The following IGSF11 variants were observed in gnomAD, a reference collection of about 807,000 sequenced individuals.
The protein encoded by IGSF11 is CXADR like 1.
In IGSF11, 22 loss-of-function variants were observed where a neutral mutation model predicts 41.0. The observed-to-expected ratio is 0.54, with a 90% CI of 0.38 to 0.77. IGSF11 has a LOEUF of 0.77. IGSF11 is among the 30% of genes least tolerant of loss of function. IGSF11 has a pLI of 0.00. For synonymous variants in IGSF11, 219 were observed against 201.3 expected (o/e 1.09, Z -0.74); for missense variants, 444 against 530.8 (o/e 0.84, Z 1.61).
At chr3:119,140,670 C>T (rs949124782) in intron 1 of IGSF11, among the ~76,000 whole-genome samples, 1 of 152,130 alleles carries the variant, frequency 6.6e-6, no homozygotes, top group Non-Finnish European at 1.5e-5. Flanking sequence ...AATATACATT[C>T]TTTTAAGTGC....
In IGSF11 at chr3:119,065,371, GA is replaced by G. The variant is rs1284523111; in HGVS notation, c.49+39772del. On this transcript the variant is annotated intron_variant, in intron 1 of 6. Transcript: ENST00000354673. ...TGAAATCTCCTGGTCATCATCATGG[GA>G]TATGTTTTTTACATATAATTGGATT... 6.6e-5 allele frequency among the ~76,000 whole-genome samples: 10 copies of G among 152,050 alleles called. 1 individual carries two copies. Among genetic ancestry groups the G allele is most frequent in the African/African-American group, 2.4e-4 (10 of 41,380 alleles).
intron 1 of IGSF11, among the ~76,000 whole-genome samples, chr3:119,091,157 C>T (rs187045294): frequency 3.9e-5 from 6 of 152,218 alleles, no homozygotes; most frequent in Admixed American, 1.3e-4. Flanking sequence ...CAATGAGATG[C>T]CATCTCACAC....
chr3:119,062,184 T>A (rs190930746), intron 1 of IGSF11, among the ~76,000 whole-genome samples: 28 of 152,346 alleles, frequency 1.8e-4, no homozygotes. Flanking sequence ...GAATTGGTTT[T>A]ATTTGAAAGT....
At chr3:118,961,446 A>G (rs1053052776) in intron 1 of IGSF11, among the ~76,000 whole-genome samples, 13 of 152,240 alleles carry the variant, frequency 8.5e-5, no homozygotes, top group Admixed American at 8.5e-4. Flanking sequence ...TTATACCTCA[A>G]AAAAGCTATT....
intron 1 of IGSF11, among the ~76,000 whole-genome samples, chr3:119,145,225 G>T (rs2077704516): frequency 6.6e-6 from 1 of 152,090 alleles, no homozygotes; most frequent in South Asian, 2.1e-4. Flanking sequence ...CCTACTAAAG[G>T]AATATCTGGC....
chr3:119,111,837 G>C (rs1186355987), intron 1 of IGSF11, among the ~76,000 whole-genome samples: 5 of 152,206 alleles, frequency 3.3e-5, no homozygotes, highest in Non-Finnish European at 7.3e-5. Context: ...CAGGACTGTT[G>C]GAGTTTGCTA....
intron 1 of IGSF11, among the ~76,000 whole-genome samples, chr3:119,045,136 A>G (rs561768753): frequency 6.6e-6 from 1 of 152,372 alleles, no homozygotes; most frequent in South Asian, 2.1e-4. Context: ...CACAAAAGGG[A>G]GGAGCCCAGA....
In IGSF11 at chr3:118,904,754, C is replaced by T. The variant is rs762256778; in HGVS notation, c.748G>A (p.Gly250Ser). The T allele has an allele frequency of 9.3e-6, 15 of 1,613,416 alleles. No homozygotes were observed. In the South Asian group the frequency reaches 1.6e-4, roughly 18 times the overall value. Residue 250 changes from glycine (G) to serine (S), a missense_variant, in exon 6 of 7, where the codon GGT becomes AGT. This residue lies in a region of IGSF11 where 223 missense variants were observed against 226.2 expected (regional missense o/e 0.99). Coordinates refer to ENST00000393775, the MANE Select transcript of IGSF11 (RefSeq NM_001015887.3). ...ATGCAAAAAATGATAATAACTGCAC[C>T]AGTGCCAATGGCTCCAGCTATTAGT... ...IGLIAGAIGT[G>S]AVIIIFCIAL...
In IGSF11 at chr3:118,902,506, C is replaced by T; in HGVS notation, c.*14G>A. On this transcript the variant is annotated 3_prime_UTR_variant, in exon 7 of 7. Transcript: ENST00000393775. ...TCCATTTATTCATTTCTGAACACAA[C>T]ATTTCCTCATGTCCTATACCAAGGA... is the stretch of plus-strand genomic sequence containing the variant. 3 of 1,301,844 alleles carry T rather than the reference C, an allele frequency of 2.3e-6. No homozygotes were observed. Among genetic ancestry groups the T allele is most frequent in the Middle Eastern group, 2.2e-4 (1 of 4,602 alleles). The allele number at this position is 1,301,844 out of a possible 1,614,324, so 80.6% of individuals were successfully genotyped here.
intron 1 of IGSF11, among the ~76,000 whole-genome samples, chr3:118,968,585 A>C (rs1439516009): frequency 6.6e-6 from 1 of 152,218 alleles, no homozygotes; most frequent in Non-Finnish European, 1.5e-5. Flanking sequence ...GGGGATCCTA[A>C]TTAACAACAG....
intron 1 of IGSF11, among the ~76,000 whole-genome samples, chr3:119,120,093 G>A (rs2107528862): frequency 6.6e-6 from 1 of 152,278 alleles, no homozygotes; most frequent in South Asian, 2.1e-4. Flanking sequence ...GTCCAAGCAG[G>A]GAATAAAGCA....
intron 5 of IGSF11, among the ~76,000 whole-genome samples, chr3:118,905,229 T>C (rs1238692893): frequency 6.6e-6 from 1 of 152,102 alleles, no homozygotes; most frequent in Non-Finnish European, 1.5e-5. Context: ...TACACTGCCA[T>C]TTATAACCTA....
At chr3:119,118,224 A>G (rs1325013577) in intron 1 of IGSF11, among the ~76,000 whole-genome samples, 1 of 152,202 alleles carries the variant, frequency 6.6e-6, no homozygotes, top group Non-Finnish European at 1.5e-5. Context: ...GCCCTAGCAA[A>G]GGTTCTCCAA....
chr3:119,085,505 C>T (rs1302825127), intron 1 of IGSF11, among the ~76,000 whole-genome samples: 2 of 152,158 alleles, frequency 1.3e-5, no homozygotes, highest in African/African-American at 4.8e-5. Context: ...TCCAAATGAG[C>T]CCACTAGGTC....
At chr3:118,935,852 A>G (rs1943233852) in intron 1 of IGSF11, among the ~76,000 whole-genome samples, 3 of 152,086 alleles carry the variant, frequency 2.0e-5, no homozygotes, top group East Asian at 1.9e-4. Context: ...ATTCTGTTTC[A>G]TTTTTTAAAT....
intron 1 of IGSF11, among the ~76,000 whole-genome samples, chr3:119,143,361 G>T (rs56048248): frequency 0.08 from 12,121 of 152,024 alleles, 638 homozygotes; most frequent in Admixed American, 0.16. Flanking sequence ...ATAACAGCAG[G>T]GTTTTGTATA....
At chr3:118,956,114 T>A (rs1944936699) in intron 1 of IGSF11, among the ~76,000 whole-genome samples, 1 of 152,162 alleles carries the variant, frequency 6.6e-6, no homozygotes, top group Non-Finnish European at 1.5e-5. Context: ...GCTTCAAACA[T>A]TTTTCTGTGC....
At chr3:118,922,428 T>G (rs1457312937) in intron 4 of IGSF11, among the ~76,000 whole-genome samples, 1 of 148,476 alleles carries the variant, frequency 6.7e-6, no homozygotes, top group Non-Finnish European at 1.5e-5. Flanking sequence ...TGTGTGTGTG[T>G]GGCTGGGAAC....
At chr3:119,078,277 G>A (rs1301483866) in intron 1 of IGSF11, among the ~76,000 whole-genome samples, 1 of 152,092 alleles carries the variant, frequency 6.6e-6, no homozygotes, top group Non-Finnish European at 1.5e-5. Flanking sequence ...ATACTACAAG[G>A]ATACATTAAC....
Sources: allele counts gnomAD v4.1 joint callset (sites outside exome capture counted in the v4.1 genomes callset), GRCh38; gene constraint gnomAD v4.1.1; regional missense constraint gnomAD v4.1.1; transcripts MANE v1.5; gene names NCBI Gene and HGNC (gene_info 2026-07-23, HGNC 2026-07-21).